The following ATP8B4 variants were observed in gnomAD, a reference collection of about 807,000 sequenced individuals.
ATP8B4 encodes the protein probable phospholipid-transporting ATPase IM.
A neutral mutation model predicts 145.6 loss-of-function variants in ATP8B4; 133 were observed. The ratio of observed to expected loss-of-function variants is 0.91; its 90% CI spans 0.79 to 1.05. The LOEUF (loss-of-function observed/expected upper bound fraction) is 1.05, where lower values mean the gene tolerates loss of function less well. Among genes scored for constraint, ATP8B4 ranks in the 50% least tolerant of loss-of-function variants. The pLI is 0.00. For missense variants in ATP8B4, 1,458 were observed against 1,425.2 expected, an observed-to-expected ratio of 1.02 and a Z score of -0.37; for synonymous variants, 507 against 492.9, an observed-to-expected ratio of 1.03 and a Z score of -0.38.
intron 7 of ATP8B4, among the ~76,000 whole-genome samples, chr15:50,003,060 A>T (rs1459544806): frequency 6.6e-6 from 1 of 152,126 alleles, no homozygotes; most frequent in Non-Finnish European, 1.5e-5. Flanking sequence ...AATTGGCTTA[A>T]ATTTTAGCAA....
At chr15:50,028,403 G>C (rs1431723625) in intron 6 of ATP8B4, among the ~76,000 whole-genome samples, 1 of 152,158 alleles carries the variant, frequency 6.6e-6, no homozygotes, top group Non-Finnish European at 1.5e-5. Context: ...CAGTGTTCCT[G>C]AGTTACAGCT....
chr15:49,862,139 G>A, intron 27 of ATP8B4, 106 bp downstream of exon 27: 1 of 1,393,776 alleles, frequency 7.2e-7, no homozygotes, highest in Non-Finnish European at 9.8e-7. Flanking sequence ...GTGTTTGCTT[G>A]TGACAATTTC....
At chr15:49,936,516 T>C (rs1486142073) in intron 14 of ATP8B4, among the ~76,000 whole-genome samples, 1 of 152,158 alleles carries the variant, frequency 6.6e-6, no homozygotes, top group Non-Finnish European at 1.5e-5. Context: ...GTAAATCTGA[T>C]GTTAGTCTGA....
intron 1 of ATP8B4, among the ~76,000 whole-genome samples, chr15:50,162,538 G>T (rs903791431): frequency 6.6e-6 from 1 of 151,648 alleles, no homozygotes; most frequent in Non-Finnish European, 1.5e-5. Context: ...ATGGAGTCTC[G>T]CTCTGTCGCC....
chr15:49,997,177 A>G (rs965868672), intron 8 of ATP8B4, among the ~76,000 whole-genome samples: 16 of 152,132 alleles, frequency 1.1e-4, no homozygotes, highest in African/African-American at 3.9e-4. Context: ...GGTCATGACT[A>G]ATTTCACAGT....
At chr15:49,926,180 C>G (rs994056056) in intron 16 of ATP8B4, among the ~76,000 whole-genome samples, 21 of 152,108 alleles carry the variant, frequency 1.4e-4, no homozygotes, top group African/African-American at 5.1e-4. Flanking sequence ...ACCTGCACAT[C>G]CGACTACCAG....
At chr15:49,929,416 G>T (rs1044936256) in intron 16 of ATP8B4, among the ~76,000 whole-genome samples, 5 of 152,120 alleles carry the variant, frequency 3.3e-5, no homozygotes, top group African/African-American at 1.2e-4. Flanking sequence ...TTTTAATACA[G>T]ATTATAGAAA....
rs376725309 is a variant in ATP8B4, at chr15:49,876,431, G to T, written c.2874C>A (p.Cys958Ter). ...LLFNKRKFFI[C>*]VLHGIYTSLV... ...ATGAGGTGTAGATTCCATGCAACAC[G>T]CAAATGAAAAATTTACGCTTGTTAA... The change falls in exon 25 of 28, where the codon TGC becomes TGA. Residue 958 changes from cysteine (C) to a stop codon, truncating the protein, a stop_gained. Coordinates refer to ENST00000284509, the MANE Select transcript of ATP8B4 (RefSeq NM_024837.4). LOFTEE classifies it high-confidence loss of function. 5 of 1,613,440 alleles carry T rather than the reference G, an allele frequency of 3.1e-6. No individual in the cohort carries two copies. Among genetic ancestry groups the T allele is most frequent in the African/African-American group, 1.3e-5 (1 of 74,722 alleles).
At chr15:50,177,597 T>C (rs1404415756) in intron 1 of ATP8B4, among the ~76,000 whole-genome samples, 1 of 152,170 alleles carries the variant, frequency 6.6e-6, no homozygotes, top group Non-Finnish European at 1.5e-5. Flanking sequence ...GGTAGGATCC[T>C]CCCAGAGCCC....
chr15:50,175,305 T>A (rs1376851405), intron 1 of ATP8B4, among the ~76,000 whole-genome samples: 1 of 152,130 alleles, frequency 6.6e-6, no homozygotes, highest in African/African-American at 2.4e-5. Context: ...GGGATCTGAT[T>A]AAACTAAAGA....
chr15:49,985,447 A>C (rs1433172122), intron 10 of ATP8B4, among the ~76,000 whole-genome samples: 3 of 152,194 alleles, frequency 2.0e-5, no homozygotes, highest in Non-Finnish European at 4.4e-5. Context: ...CCCCAACTAA[A>C]TGTCTTAAGA....
chr15:49,961,006 G>C (rs984024693), intron 14 of ATP8B4, among the ~76,000 whole-genome samples: 1 of 152,012 alleles, frequency 6.6e-6, no homozygotes, highest in Non-Finnish European at 1.5e-5. Context: ...GGTGGCGGGC[G>C]CCTGTAGTCC....
At chr15:49,911,289 T>C (rs758957832) in intron 20 of ATP8B4, among the ~76,000 whole-genome samples, 1 of 151,960 alleles carries the variant, frequency 6.6e-6, no homozygotes, top group Non-Finnish European at 1.5e-5. Flanking sequence ...CCTTAACCTG[T>C]AAAGACACCT....
At chr15:49,966,692 G>A (rs2899443) in intron 13 of ATP8B4, among the ~76,000 whole-genome samples, 19,613 of 152,136 alleles carry the variant, frequency 0.13, 1,671 homozygotes, top group East Asian at 0.34. Context: ...TGCGCGCAGC[G>A]TCAGCAGAAT....
intron 23 of ATP8B4, among the ~76,000 whole-genome samples, chr15:49,890,034 G>T (rs1297221392): frequency 1.3e-5 from 2 of 152,294 alleles, no homozygotes; most frequent in African/African-American, 2.4e-5. Context: ...AAAGAAAGGA[G>T]ATTATGGGAT....
At chr15:49,907,517 T>C (rs897570005) in intron 20 of ATP8B4, among the ~76,000 whole-genome samples, 5 of 152,066 alleles carry the variant, frequency 3.3e-5, no homozygotes, top group African/African-American at 1.2e-4. Flanking sequence ...GGTGGAAAGA[T>C]TGGGATCAGT....
intron 20 of ATP8B4, 139 bp downstream of exon 20, chr15:49,916,795 G>A (rs772412189): frequency 3.3e-5 from 22 of 670,804 alleles, no homozygotes; most frequent in Non-Finnish European, 4.9e-5. Flanking sequence ...GGAAGTTTAG[G>A]AAACATGCAC....
At chr15:50,162,012 T>A (rs2044527109) in intron 1 of ATP8B4, among the ~76,000 whole-genome samples, 1 of 152,192 alleles carries the variant, frequency 6.6e-6, no homozygotes, top group Non-Finnish European at 1.5e-5. Context: ...TTTTTATGCT[T>A]GAAGGATATT....
chr15:50,082,796 T>C (rs1325894434), intron 2 of ATP8B4, among the ~76,000 whole-genome samples: 1 of 152,240 alleles, frequency 6.6e-6, no homozygotes, highest in Non-Finnish European at 1.5e-5. Flanking sequence ...AGATACTACA[T>C]GAAGTGTTTC....
Sources: gnomAD v4.1 joint callset for allele counts (sites outside exome capture counted in the v4.1 genomes callset) on GRCh38, gnomAD v4.1.1 for gene constraint, MANE v1.5 for transcripts, NCBI Gene and HGNC (gene_info 2026-07-23, HGNC 2026-07-21) for gene names.